The following FXR1 variants were observed in gnomAD, a reference collection of about 807,000 sequenced individuals.
The protein encoded by FXR1 is RNA-binding protein FXR1.
FXR1 carries 15 observed loss-of-function variants against 84.0 expected under a neutral mutation model. The ratio of observed to expected loss-of-function variants is 0.18; its 90% CI spans 0.12 to 0.27. FXR1 has a LOEUF of 0.27. FXR1 is among the 10% of genes least tolerant of loss of function. The pLI, the probability that FXR1 is intolerant of heterozygous loss-of-function variation, is 1.00. For synonymous variants in FXR1, 245 were observed against 250.7 expected (o/e 0.98, Z 0.21); for missense variants, 480 against 774.4 (o/e 0.62, Z 4.51).
At position 180,971,081 on chromosome 3, in the gene FXR1, G is replaced by A. The variant is rs778784152; in HGVS notation, c.1603+723G>A. Reference sequence around the variant, plus strand: ...GTAAACTTTGCAATTACAGATGATAGTGAAAAAAAACCCCAGCGACGCAAT... The same window carrying A: ...GTAAACTTTGCAATTACAGATGATAATGAAAAAAAACCCCAGCGACGCAAT... On this transcript the variant is annotated intron_variant, in intron 15 of 16. Transcript: ENST00000357559. 1.2e-5 allele frequency: 15 copies of A among 1,231,560 alleles called. No individual in the cohort carries two copies. In the South Asian group the frequency reaches 2.1e-4, roughly 17 times the overall value. 76.3% of individuals were successfully genotyped at this position (1,231,560 alleles called of 1,614,324 possible).
rs187846994 is a variant in FXR1 at position 180,968,684 on chromosome 3, A to G, written c.1402+430A>G. ...AGTGAAGAGCATTCTTAGCTACACT[A>G]TGTAGTACTTTGGGAACAGGGAAAA... is the stretch of plus-strand genomic sequence containing the variant. On this transcript the variant is annotated intron_variant, in intron 14 of 16. Transcript: ENST00000357559. Among the ~76,000 whole-genome samples, 236 of 152,326 alleles carry G rather than the reference A, an allele frequency of 1.5e-3. 2 individuals are homozygous for G. Among genetic ancestry groups the G allele is most frequent in the African/African-American group, 5.5e-3 (230 of 41,574 alleles).
intron 15 of FXR1, chr3:180,970,989 C>T (rs1713491135): frequency 3.4e-5 from 9 of 268,248 alleles, no homozygotes; most frequent in South Asian, 1.5e-4. Context: ...TTATTTTTCC[C>T]CTTTAAATCT....
intron 3 of FXR1, among the ~76,000 whole-genome samples, chr3:180,945,369 C>G (rs1199096938): frequency 6.6e-6 from 1 of 152,216 alleles, no homozygotes; most frequent in Non-Finnish European, 1.5e-5. Flanking sequence ...TTTTGGCACA[C>G]AAACATTTCT....
rs1408321806 is a variant in FXR1 at position 180,982,118 on chromosome 3, C to T, written c.*5826C>T. 1.3e-5 allele frequency: 2 copies of T among 152,004 alleles called. No homozygotes were observed. The highest frequency in any genetic ancestry group is 2.9e-5 in the Non-Finnish European group (2 of 67,924). 9.4% of individuals were successfully genotyped at this position (152,004 alleles called of 1,614,324 possible). ...CAGGATCTGAGAAAGATCAGCCATT[C>T]TCAGCATGTTGCCTTGGCTGCTTAA... is the stretch of plus-strand genomic sequence containing the variant. On this transcript the variant is annotated 3_prime_UTR_variant, in exon 17 of 17. Transcript: ENST00000357559.
chr3:180,936,380 G>A (rs918998058), intron 3 of FXR1, among the ~76,000 whole-genome samples: 5 of 152,128 alleles, frequency 3.3e-5, no homozygotes, highest in Admixed American at 1.3e-4. Flanking sequence ...CGATTCTCCT[G>A]CCACAGCCTT....
At position 180,977,693 on chromosome 3, in the gene FXR1, G is replaced by A. The variant is rs1714366324; in HGVS notation, c.*1401G>A. 1.3e-5 allele frequency: 2 copies of A among 152,032 alleles called. No homozygotes were observed. The highest frequency in any genetic ancestry group is 1.3e-4 in the Admixed American group (2 of 15,250). 9.4% of individuals were successfully genotyped at this position (152,032 alleles called of 1,614,324 possible). A position where few individuals can be genotyped will look rare whatever the true frequency, so the allele number is the denominator to read the frequency against. On this transcript the variant is annotated 3_prime_UTR_variant, in exon 17 of 17. Transcript: ENST00000357559. Reference sequence around the variant, plus strand: ...AAGGCTTTGTTCCACAATATTATATGGACCACTGAACAAGAATGACAGCCC... The same window carrying A: ...AAGGCTTTGTTCCACAATATTATATAGACCACTGAACAAGAATGACAGCCC...
chr3:180,964,701 A>ATATATATATATATATATATATATATATAT (rs10530708), intron 13 of FXR1, among the ~76,000 whole-genome samples: 3 of 141,980 alleles, frequency 2.1e-5, no homozygotes, highest in Admixed American at 7.0e-5. Context: ...ATATATATAT[A>ATATATATATATATATATATATATATATAT]ATGAGTACTG....
At chr3:180,944,400 A>C (rs1362205523) in intron 3 of FXR1, among the ~76,000 whole-genome samples, 1 of 151,124 alleles carries the variant, frequency 6.6e-6, no homozygotes, top group Non-Finnish European at 1.5e-5. Flanking sequence ...GGCTCACTGC[A>C]GCCTTGACCT....
chr3:180,969,477 A>T (rs1385600519), intron 14 of FXR1, among the ~76,000 whole-genome samples: 1 of 152,210 alleles, frequency 6.6e-6, no homozygotes, highest in Non-Finnish European at 1.5e-5. Flanking sequence ...ATTGTACCTT[A>T]CAGTTTTTCC....
intron 15 of FXR1, among the ~76,000 whole-genome samples, chr3:180,973,019 C>CT (rs1258295402): frequency 6.6e-6 from 1 of 152,196 alleles, no homozygotes; most frequent in Non-Finnish European, 1.5e-5. Context: ...CTTTACCACA[C>CT]TTAGAATGTG....
At chr3:180,945,737 C>T (rs570273665) in intron 3 of FXR1, among the ~76,000 whole-genome samples, 1 of 152,308 alleles carries the variant, frequency 6.6e-6, no homozygotes, top group Admixed American at 6.5e-5. Context: ...TGGAAGAATA[C>T]TGTCATATAC....
chr3:180,926,506 A>ATATATATATTTTTTTT (rs72192827), intron 1 of FXR1, among the ~76,000 whole-genome samples: 1 of 124,394 alleles, frequency 8.0e-6, no homozygotes, highest in African/African-American at 2.9e-5. Flanking sequence ...ATATATATAT[A>ATATATATATTTTTTTT]TTTTTTTTTC....
At chr3:180,971,126 T>G (rs1396605349) in intron 15 of FXR1, 1 of 1,277,588 alleles carries the variant, frequency 7.8e-7, no homozygotes. Context: ...AGGCGTCGCT[T>G]CAGGGGTCAG....
At chr3:180,926,506 AT>A (rs57540765) in intron 1 of FXR1, among the ~76,000 whole-genome samples, 8 of 124,380 alleles carry the variant, frequency 6.4e-5, no homozygotes, top group Admixed American at 4.2e-4. Flanking sequence ...ATATATATAT[AT>A]TTTTTTTTCT....
At chr3:180,945,523 G>C (rs1721606371) in intron 3 of FXR1, among the ~76,000 whole-genome samples, 1 of 152,130 alleles carries the variant, frequency 6.6e-6, no homozygotes, top group Non-Finnish European at 1.5e-5. Context: ...TTCCACCCTA[G>C]CCTTCCATGT....
rs536342809 is a variant in FXR1 at position 180,929,196 on chromosome 3, C to T, written c.52-4138C>T. ...CTGGGATTACAGGCGTGAGCCACCG[C>T]GCCCGGCCTAATTTATGGCATTTTT... On this transcript the variant is annotated intron_variant, in intron 1 of 16. Coordinates refer to ENST00000357559, the MANE Select transcript of FXR1 (RefSeq NM_005087.4). 1.6e-3 allele frequency among the ~76,000 whole-genome samples: 242 copies of T among 152,276 alleles called. 2 individuals carry two copies. The highest frequency in any genetic ancestry group is 5.6e-3 in the African/African-American group (231 of 41,544).
chr3:180,931,885 C>T (rs1323662405), intron 1 of FXR1, among the ~76,000 whole-genome samples: 4 of 151,336 alleles, frequency 2.6e-5, no homozygotes, highest in African/African-American at 2.4e-5. Context: ...GGACCACAGA[C>T]ACGCCACCAG....
intron 3 of FXR1, among the ~76,000 whole-genome samples, chr3:180,947,388 T>C (rs2108464049): frequency 6.6e-6 from 1 of 152,350 alleles, no homozygotes; most frequent in East Asian, 1.9e-4. Context: ...TTCTGCTAGA[T>C]GGACTGAATG....
At chr3:180,941,504 A>AT (rs1721115221) in intron 3 of FXR1, among the ~76,000 whole-genome samples, 1 of 152,174 alleles carries the variant, frequency 6.6e-6, no homozygotes, top group South Asian at 2.1e-4. Context: ...ATTTATATAA[A>AT]AGATATACAT....
Sources: gnomAD v4.1 joint callset for allele counts (sites outside exome capture counted in the v4.1 genomes callset) on GRCh38, gnomAD v4.1.1 for gene constraint, MANE v1.5 for transcripts, NCBI Gene and HGNC (gene_info 2026-07-23, HGNC 2026-07-21) for gene names.